The following SPATA13 variants were observed in gnomAD, a reference collection of about 807,000 sequenced individuals.
SPATA13 encodes spermatogenesis associated 13.
A neutral mutation model predicts 104.0 loss-of-function variants in SPATA13; 50 were observed. That is an observed-to-expected ratio of 0.48 (90% CI 0.38 to 0.61). The LOEUF is 0.61. SPATA13 is among the 20% of genes least tolerant of loss of function. The probability of loss-of-function intolerance (pLI) is 0.00; values close to 1 mark genes in which losing one functional copy is unlikely to be tolerated. For synonymous variants in SPATA13, 606 were observed against 667.5 expected (o/e 0.91, Z 1.42); for missense variants, 1,524 against 1,690.6 (o/e 0.90, Z 1.73).
intron 1 of SPATA13, among the ~76,000 whole-genome samples, chr13:24,189,631 ATATATATTTATATATATATTATATAT>A (rs1406469029): frequency 0.03 from 710 of 23,484 alleles, 91 homozygotes; most frequent in South Asian, 0.081. Context: ...TTATATAAAT[ATATATATTTATATATATATTATATAT>A]TATATATTTA....
intron 3 of SPATA13, among the ~76,000 whole-genome samples, chr13:24,083,262 C>G (rs1879602849): frequency 6.6e-6 from 1 of 152,208 alleles, no homozygotes; most frequent in Non-Finnish European, 1.5e-5. Context: ...AAATGCAGTC[C>G]TCTTGCAGGC....
chr13:24,067,765 C>T (rs1291971063), intron 3 of SPATA13, among the ~76,000 whole-genome samples: 2 of 152,154 alleles, frequency 1.3e-5, no homozygotes, highest in Non-Finnish European at 1.5e-5. Context: ...AGTGCAGTGA[C>T]ATGATCTCGG....
intron 1 of SPATA13, among the ~76,000 whole-genome samples, chr13:24,163,899 G>T (rs2138491153): frequency 6.6e-6 from 1 of 152,332 alleles, no homozygotes; most frequent in East Asian, 1.9e-4. Context: ...GTTTCACTTA[G>T]AAGGGGAACT....
chr13:23,987,242 T>C (rs1000491468), intron 2 of SPATA13, among the ~76,000 whole-genome samples: 2 of 152,208 alleles, frequency 1.3e-5, no homozygotes, highest in African/African-American at 2.4e-5. Context: ...TCTATTTAGA[T>C]AGCTAATGTG....
At chr13:23,991,361 A>G (rs1275420477) in intron 2 of SPATA13, among the ~76,000 whole-genome samples, 1 of 152,190 alleles carries the variant, frequency 6.6e-6, no homozygotes, top group Non-Finnish European at 1.5e-5. Context: ...TTAGGGTCTA[A>G]TCAGTATGCA....
chr13:24,054,957 C>G (rs1371289170), intron 3 of SPATA13, among the ~76,000 whole-genome samples: 2 of 152,180 alleles, frequency 1.3e-5, no homozygotes, highest in Admixed American at 6.5e-5. Flanking sequence ...CTTTCAGAAG[C>G]TGGTTATTAT....
At chr13:24,231,331 T>G (rs1001755323) in intron 2 of SPATA13, among the ~76,000 whole-genome samples, 1 of 152,220 alleles carries the variant, frequency 6.6e-6, no homozygotes, top group Non-Finnish European at 1.5e-5. Flanking sequence ...TCTGGACATT[T>G]CATAGAAATG....
chr13:24,270,964 T>C (rs767384545), intron 4 of SPATA13: 278 of 1,372,606 alleles, frequency 2.0e-4, no homozygotes, highest in Non-Finnish European at 2.8e-4. Flanking sequence ...CCGATTCAGC[T>C]CTTTCCTTCC....
rs564974434 is a variant in SPATA13, at chr13:24,064,129, C to A, written c.-112+46428C>A. 3.3e-5 allele frequency among the ~76,000 whole-genome samples: 5 copies of A among 152,306 alleles called. 1 individual carries two copies. Among genetic ancestry groups the A allele is most frequent in the Middle Eastern group, 6.8e-3 (2 of 294 alleles). On this transcript the variant is annotated intron_variant, in intron 3 of 14. Transcript: ENST00000424834. ...AGTGTTCACTGCACCTGTTCTCCTGCCTCATCAGGCCACTCCAGATTATTT... is the reference window on the plus strand; with the variant it reads ...AGTGTTCACTGCACCTGTTCTCCTGACTCATCAGGCCACTCCAGATTATTT...
At position 24,184,330 on chromosome 13, in the gene SPATA13, C is replaced by G. The variant is rs79029383; in HGVS notation, c.-112+23398C>G. Among the ~76,000 whole-genome samples, 1,418 of 152,290 alleles carry G rather than the reference C, an allele frequency of 9.3e-3. 14 individuals are homozygous for G. The highest frequency in any genetic ancestry group is 0.013 in the Non-Finnish European group (876 of 68,030). On this transcript the variant is annotated intron_variant, in intron 1 of 12. Transcript: ENST00000382108. ...CTTTCCTTATTGTACCCAATAATTA[C>G]TTACTTATTGTACCCAAAACTGCTG...
intron 3 of SPATA13, among the ~76,000 whole-genome samples, chr13:24,073,025 T>C (rs1021318961): frequency 5.3e-5 from 8 of 152,260 alleles, no homozygotes; most frequent in East Asian, 1.9e-4. Flanking sequence ...CTTGTCTCTA[T>C]GAATTTATAG....
intron 3 of SPATA13, among the ~76,000 whole-genome samples, chr13:24,132,594 A>G (rs7323622): frequency 0.54 from 82,868 of 152,102 alleles, 22,765 homozygotes; most frequent in South Asian, 0.6. Flanking sequence ...TATTAACATT[A>G]TTAGGAAGGT....
intron 2 of SPATA13, among the ~76,000 whole-genome samples, chr13:24,226,706 G>T (rs1192854668): frequency 1.3e-5 from 2 of 152,192 alleles, no homozygotes; most frequent in African/African-American, 4.8e-5. Context: ...GAGGACCTCA[G>T]TTTTGTCTTA....
At chr13:24,057,130 T>C (rs927364634) in intron 3 of SPATA13, among the ~76,000 whole-genome samples, 1 of 151,772 alleles carries the variant, frequency 6.6e-6, no homozygotes, top group African/African-American at 2.4e-5. Flanking sequence ...GTGCACAATG[T>C]GCAGGTTTGT....
chr13:24,054,227 G>A (rs979684302), intron 3 of SPATA13, among the ~76,000 whole-genome samples: 1 of 152,226 alleles, frequency 6.6e-6, no homozygotes, highest in African/African-American at 2.4e-5. Flanking sequence ...ACTATGCAGT[G>A]TGAGACCACT....
intron 4 of SPATA13, among the ~76,000 whole-genome samples, chr13:24,269,308 C>T (rs1352233203): frequency 1.3e-5 from 2 of 152,184 alleles, no homozygotes; most frequent in Non-Finnish European, 2.9e-5. Context: ...CTCCAAAGCT[C>T]ATCACTATAA....
chr13:24,198,951 C>CTTTTTTTTT (rs3067263), intron 1 of SPATA13, among the ~76,000 whole-genome samples: 3 of 140,336 alleles, frequency 2.1e-5, no homozygotes, highest in African/African-American at 8.0e-5. Flanking sequence ...ACTATAAAAT[C>CTTTTTTTTT]TTTTTTTTTT....
intron 3 of SPATA13, among the ~76,000 whole-genome samples, chr13:24,090,948 C>T (rs1202138260): frequency 6.6e-6 from 1 of 152,164 alleles, no homozygotes; most frequent in Non-Finnish European, 1.5e-5. Flanking sequence ...ATGCTGTTTG[C>T]CTGTTTAGTG....
chr13:24,073,370 A>G (rs915817498), intron 3 of SPATA13, among the ~76,000 whole-genome samples: 55 of 152,254 alleles, frequency 3.6e-4, no homozygotes, highest in African/African-American at 1.3e-3. Flanking sequence ...ACTCACCTGC[A>G]TGTAATTTTG....
Sources: gnomAD v4.1 joint callset for allele counts (sites outside exome capture counted in the v4.1 genomes callset) on GRCh38, gnomAD v4.1.1 for gene constraint, MANE v1.5 for transcripts, NCBI Gene and HGNC (gene_info 2026-07-23, HGNC 2026-07-21) for gene names.